Variants in FMN1 observed in about 807,000 individuals in gnomAD.
FMN1 encodes formin-1.
A neutral mutation model predicts 132.4 loss-of-function variants in FMN1; 110 were observed. The ratio of observed to expected loss-of-function variants is 0.83; its 90% CI spans 0.71 to 0.97. FMN1 has a LOEUF of 0.97. FMN1 is among the 50% of genes least tolerant of loss of function. FMN1 has a pLI of 0.00. For synonymous variants in FMN1, 722 were observed against 651.7 expected (o/e 1.11, Z -1.64); for missense variants, 1,792 against 1,705.3 (o/e 1.05, Z -0.90).
intron 6 of FMN1, among the ~76,000 whole-genome samples, chr15:33,036,585 G>A (rs2036202795): frequency 6.6e-6 from 1 of 152,058 alleles, no homozygotes; most frequent in African/African-American, 2.4e-5. Flanking sequence ...CTAACTTCCA[G>A]GGTTCAAATA....
chr15:32,849,083 A>C (rs896854466), intron 17 of FMN1, among the ~76,000 whole-genome samples: 1 of 142,936 alleles, frequency 7.0e-6, no homozygotes, highest in Admixed American at 7.7e-5. Flanking sequence ...TCCCGGGTTC[A>C]TGCCATTCTC....
intron 3 of FMN1, among the ~76,000 whole-genome samples, chr15:33,178,787 C>A (rs562844882): frequency 6.6e-6 from 1 of 152,260 alleles, no homozygotes; most frequent in South Asian, 2.1e-4. Flanking sequence ...TGCTTCAGAT[C>A]CTCATTATTC....
chr15:33,036,941 A>G (rs2036218608), intron 6 of FMN1, among the ~76,000 whole-genome samples: 1 of 152,228 alleles, frequency 6.6e-6, no homozygotes, highest in African/African-American at 2.4e-5. Context: ...AAGCAATGAG[A>G]GCATACTCTA....
intron 2 of FMN1, among the ~76,000 whole-genome samples, chr15:33,190,816 C>G (rs1315608559): frequency 6.6e-6 from 1 of 152,188 alleles, no homozygotes; most frequent in Non-Finnish European, 1.5e-5. Flanking sequence ...AGTCAGCATT[C>G]TGGCGGTCCC....
intron 4 of FMN1, among the ~76,000 whole-genome samples, chr15:33,120,595 A>G (rs1962457181): frequency 7.6e-6 from 1 of 131,490 alleles, no homozygotes; most frequent in South Asian, 2.9e-4. Flanking sequence ...ACACACACGT[A>G]GTGATACCAA....
At chr15:33,003,725 C>T (rs1173424099) in intron 7 of FMN1, among the ~76,000 whole-genome samples, 272 of 152,088 alleles carry the variant, frequency 1.8e-3, no homozygotes, top group Admixed American at 2.9e-3. Flanking sequence ...AAAAAGAGCC[C>T]GCATTGCCAA....
intron 7 of FMN1, among the ~76,000 whole-genome samples, chr15:32,994,249 CAG>C (rs1253728920): frequency 1.4e-4 from 21 of 151,772 alleles, no homozygotes; most frequent in South Asian, 2.1e-4. Flanking sequence ...CACACACACA[CAG>C]ACACACACAC....
At chr15:32,977,214 G>C (rs1190821529) in intron 7 of FMN1, among the ~76,000 whole-genome samples, 2 of 152,184 alleles carry the variant, frequency 1.3e-5, no homozygotes, top group Non-Finnish European at 2.9e-5. Flanking sequence ...TTTTCCAGAT[G>C]AAGAAAGAGA....
chr15:32,977,193 T>C (rs551646908), intron 7 of FMN1, among the ~76,000 whole-genome samples: 1 of 152,288 alleles, frequency 6.6e-6, no homozygotes, highest in East Asian at 1.9e-4. Flanking sequence ...AGAATACTGG[T>C]ATTGTGGCTG....
chr15:32,968,147 C>T (rs146230353), intron 8 of FMN1, among the ~76,000 whole-genome samples: 1 of 152,292 alleles, frequency 6.6e-6, no homozygotes, highest in Non-Finnish European at 1.5e-5. Context: ...TGTGAGAGTA[C>T]TTAGCAGTTA....
At chr15:33,032,987 T>C (rs2036008243) in intron 6 of FMN1, among the ~76,000 whole-genome samples, 1 of 152,168 alleles carries the variant, frequency 6.6e-6, no homozygotes, top group Non-Finnish European at 1.5e-5. Context: ...AGGCATGCAG[T>C]ATTACATATG....
At chr15:33,013,618 T>C (rs888023017) in intron 6 of FMN1, among the ~76,000 whole-genome samples, 20 of 152,216 alleles carry the variant, frequency 1.3e-4, no homozygotes, top group African/African-American at 4.6e-4. Context: ...TACTTCTCTT[T>C]TGAAAACTGG....
At position 32,990,601 on chromosome 15, in the gene FMN1, G is replaced by A. The variant is rs146462446; in HGVS notation, c.2223+17413C>T. 6.9e-3 allele frequency among the ~76,000 whole-genome samples: 1,058 copies of A among 152,264 alleles called. 10 individuals are homozygous for A. The highest frequency in any genetic ancestry group is 0.024 in the African/African-American group (999 of 41,554). On this transcript the variant is annotated intron_variant, in intron 7 of 20. Coordinates refer to ENST00000616417, the MANE Select transcript of FMN1 (RefSeq NM_001277313.2). Reference sequence around the variant, plus strand: ...AGGATTTCTAATGTAAAGGATAGCTGAATTTATTACTAGAAATGGGGGAAA... The same window carrying A: ...AGGATTTCTAATGTAAAGGATAGCTAAATTTATTACTAGAAATGGGGGAAA...
At chr15:33,051,271 A>C (rs1335507145) in intron 6 of FMN1, among the ~76,000 whole-genome samples, 1 of 152,204 alleles carries the variant, frequency 6.6e-6, no homozygotes, top group Non-Finnish European at 1.5e-5. Flanking sequence ...AATTGAATAA[A>C]ACAGTCTGGG....
intron 9 of FMN1, among the ~76,000 whole-genome samples, chr15:32,941,202 TTGGGGGGAAAAG>T (rs2061393966): frequency 6.6e-6 from 1 of 152,240 alleles, no homozygotes; most frequent in Non-Finnish European, 1.5e-5. Context: ...ATGTAGGTTC[TTGGGGGGAAAAG>T]TGGCTACTAC....
intron 8 of FMN1, among the ~76,000 whole-genome samples, chr15:32,965,975 G>A (rs999041153): frequency 3.9e-5 from 6 of 152,164 alleles, no homozygotes; most frequent in African/African-American, 1.4e-4. Flanking sequence ...TCTCTGTGGT[G>A]CTGGGGGAGA....
At chr15:33,048,408 G>A (rs1231395830) in intron 6 of FMN1, among the ~76,000 whole-genome samples, 1 of 151,764 alleles carries the variant, frequency 6.6e-6, no homozygotes, top group African/African-American at 2.4e-5. Context: ...TGATGTTTAG[G>A]ACAATTCAGA....
intron 4 of FMN1, among the ~76,000 whole-genome samples, chr15:33,144,235 A>G (rs1964119599): frequency 6.6e-6 from 1 of 152,238 alleles, no homozygotes; most frequent in Non-Finnish European, 1.5e-5. Flanking sequence ...ATTTAATTCA[A>G]AGGCTACCGA....
At chr15:32,961,488 A>G (rs1362829243) in intron 9 of FMN1, among the ~76,000 whole-genome samples, 3 of 152,166 alleles carry the variant, frequency 2.0e-5, no homozygotes, top group Non-Finnish European at 4.4e-5. Context: ...AACCAGCCCA[A>G]GCTCACATAG....
Sources: gnomAD v4.1 joint callset for allele counts (sites outside exome capture counted in the v4.1 genomes callset) on GRCh38, gnomAD v4.1.1 for gene constraint, MANE v1.5 for transcripts, NCBI Gene and HGNC (gene_info 2026-07-23, HGNC 2026-07-21) for gene names.